Variants in TECPR1 observed in about 807,000 individuals in gnomAD.
TECPR1 encodes the protein tectonin beta-propeller repeat-containing protein 1.
TECPR1 carries 122 observed loss-of-function variants against 162.4 expected under a neutral mutation model. The observed-to-expected ratio is 0.75, with a 90% CI of 0.65 to 0.87. The LOEUF is 0.87. TECPR1 is among the 40% of genes least tolerant of loss of function. The pLI, the probability that TECPR1 is intolerant of heterozygous loss-of-function variation, is 0.00. For synonymous variants in TECPR1, 642 were observed against 670.6 expected, an observed-to-expected ratio of 0.96 and a Z score of 0.66; for missense variants, 1,432 against 1,618.2, an observed-to-expected ratio of 0.88 and a Z score of 1.97.
intron 3 of TECPR1, among the ~76,000 whole-genome samples, chr7:98,245,454 T>G (rs116840208): frequency 6.6e-6 from 1 of 152,100 alleles, no homozygotes; most frequent in Non-Finnish European, 1.5e-5. Context: ...CTGGATACTA[T>G]GCAACTTGAA....
At chr7:98,221,539 C>A (rs1372153532) in intron 23 of TECPR1, 122 bp downstream of exon 23, 26 of 765,584 alleles carry the variant, frequency 3.4e-5, no homozygotes, top group Non-Finnish European at 2.2e-6. Context: ...GTTGGCCAGG[C>A]TGGTCTCGAA....
intron 5 of TECPR1, among the ~76,000 whole-genome samples, 192 bp from the exon 6 acceptor site, chr7:98,243,784 C>T (rs189511476): frequency 6.6e-6 from 1 of 152,266 alleles, no homozygotes; most frequent in Admixed American, 6.5e-5. Context: ...TCAGTAGAGA[C>T]GTGGTTTCAC....
intron 16 of TECPR1, 134 bp from the exon 17 acceptor site, chr7:98,228,250 A>G (rs1223414791): frequency 2.8e-6 from 2 of 704,418 alleles, no homozygotes; most frequent in East Asian, 2.7e-5. Context: ...AGGAGCAAAC[A>G]GTCCTGTTGA....
intron 20 of TECPR1, 38 bp from the exon 21 acceptor site, chr7:98,223,208 A>G (rs1391938169): frequency 6.5e-7 from 1 of 1,544,460 alleles, no homozygotes; most frequent in South Asian, 1.2e-5. Flanking sequence ...AGGGACCCCA[A>G]GGTGACCACC....
chr7:98,221,297 C>T (rs1315410953), intron 23 of TECPR1, among the ~76,000 whole-genome samples: 1 of 151,974 alleles, frequency 6.6e-6, no homozygotes, highest in East Asian at 1.9e-4. Flanking sequence ...AGCGAAACTC[C>T]ATCTCAAAGA....
intron 15 of TECPR1, among the ~76,000 whole-genome samples, chr7:98,230,175 T>TC (rs1798387896): frequency 6.6e-6 from 1 of 151,490 alleles, no homozygotes; most frequent in Admixed American, 6.6e-5. Flanking sequence ...TTTTTTGGTT[T>TC]CTTTTTTTTT....
chr7:98,242,782 TCCATCCATCCATCCAC>T (rs375757879), intron 6 of TECPR1, among the ~76,000 whole-genome samples: 1 of 30,428 alleles, frequency 3.3e-5, no homozygotes, highest in Non-Finnish European at 5.9e-5. Flanking sequence ...CACCCACCCA[TCCATCCATCCATCCAC>T]CCATCCATCC....
rs1182308711 is a variant in TECPR1 at position 98,231,794 on chromosome 7, C to A, written c.1974+10G>T. On this transcript the variant is annotated intron_variant, in intron 13 of 25. Transcript: ENST00000447648. The stretch of plus-strand genomic sequence containing the variant: ...TCCCTGGCCCCATCTCCTGTGGGAC[C>A]CGTGGGCACCTTCTTCTCCTCGTGG... The A allele has an allele frequency of 8.1e-6, 13 of 1,609,260 alleles. No individual in the cohort carries two copies. The highest frequency in any genetic ancestry group is 3.3e-5 in the Admixed American group (2 of 59,882).
At chr7:98,220,834 G>A (rs1007915804) in intron 23 of TECPR1, among the ~76,000 whole-genome samples, 3 of 151,926 alleles carry the variant, frequency 2.0e-5, no homozygotes, top group Admixed American at 6.5e-5. Flanking sequence ...GGGATTACAG[G>A]TGTGAGCCAC....
At chr7:98,226,517 G>T in intron 17 of TECPR1, 5 of 1,038,150 alleles carry the variant, frequency 4.8e-6, no homozygotes, top group Non-Finnish European at 5.8e-6. Context: ...ACACAGTATG[G>T]CTGGAAGGCC....
rs1244871875 is a variant in TECPR1 at position 98,227,944 on chromosome 7, G to A, written c.2513+70C>T. On this transcript the variant is annotated intron_variant, in intron 17 of 25. Coordinates refer to ENST00000447648, the MANE Select transcript of TECPR1 (RefSeq NM_015395.3). ...TGGACTCCACGCTACGGTGGATGTT[G>A]CTGTCCTATTTTTGCCAGGACTAAG... 2.3e-6 allele frequency: 3 copies of A among 1,285,252 alleles called. No homozygotes were observed. In the South Asian group the frequency reaches 3.8e-5, roughly 16 times the overall value. 79.6% of individuals were successfully genotyped at this position (1,285,252 alleles called of 1,614,324 possible).
intron 15 of TECPR1, among the ~76,000 whole-genome samples, chr7:98,230,179 T>A (rs1347467041): frequency 6.6e-6 from 1 of 151,716 alleles, no homozygotes; most frequent in Non-Finnish European, 1.5e-5. Context: ...TTGGTTTCTT[T>A]TTTTTTTTGT....
rs1238244100 is a variant in TECPR1, at chr7:98,217,043, G to T, written c.*347C>A. The T allele has an allele frequency of 1.3e-5, 3 of 231,556 alleles. No individual in the cohort carries two copies. Among genetic ancestry groups the T allele is most frequent in the East Asian group, 9.5e-5 (1 of 10,542 alleles). The allele number at this position is 231,556 out of a possible 1,614,324, so 14.3% of individuals were successfully genotyped here. ...TCCATCCTGGCTCTGCTGCCCCAGG[G>T]CCGGCGTTCCCGGAGGGCTCCAGGT... On this transcript the variant is annotated 3_prime_UTR_variant, in exon 26 of 26. Transcript: ENST00000447648.
chr7:98,223,564 C>T, intron 20 of TECPR1, 98 bp downstream of exon 20: 7 of 1,324,488 alleles, frequency 5.3e-6, no homozygotes, highest in Non-Finnish European at 7.5e-6. Context: ...AGGTCAGAGG[C>T]CAGGAGATCT....
intron 22 of TECPR1, 123 bp downstream of exon 22, chr7:98,222,263 G>C: frequency 3.8e-6 from 5 of 1,328,192 alleles, no homozygotes; most frequent in Non-Finnish European, 5.1e-6. Context: ...CAGTGGGAGG[G>C]GGACTCCCAC....
In TECPR1 at chr7:98,222,911, C is replaced by T. The variant is rs975613887; in HGVS notation, c.2928+79G>A. 9 of 1,558,910 alleles carry T rather than the reference C, an allele frequency of 5.8e-6. No individual in the cohort carries two copies. The Admixed American group carries it at 9.2e-5, about 16-fold the overall frequency. Reference sequence around the variant, plus strand: ...TGTCCACTGGTCCTAGGGGCTTGTCCTGAGCAGGGTCTGAGCCCTGCCGGA... The same window carrying T: ...TGTCCACTGGTCCTAGGGGCTTGTCTTGAGCAGGGTCTGAGCCCTGCCGGA... On this transcript the variant is annotated intron_variant, in intron 21 of 25. Coordinates refer to ENST00000447648, the MANE Select transcript of TECPR1 (RefSeq NM_015395.3).
At position 98,232,928 on chromosome 7, in the gene TECPR1, C is replaced by T. The variant is rs750153997; in HGVS notation, c.1717G>A (p.Ala573Thr). ...TGCTTCCTCCAGGCAGCGGTCTGGG[C>T]CGGCGTGATGGACAGGGACAGCATG... Reference protein sequence around the residue: ...VHMLSLSITPAQTAAWRKQIF... With the variant: ...VHMLSLSITPTQTAAWRKQIF... Residue 573 changes from alanine to threonine, a missense_variant, in exon 12 of 26, where the codon GCC becomes ACC. Physicochemically the swap from Ala to Thr is moderately conservative, Grantham distance 58. Transcript: ENST00000447648. This position sits in a 1 kb window ranked among gnomAD's most constrained non-coding sequence, Gnocchi z 4.6. 1.9e-6 allele frequency: 3 copies of T among 1,612,686 alleles called. No homozygotes were observed. The highest frequency in any genetic ancestry group is 2.5e-6 in the Non-Finnish European group (3 of 1,179,786).
intron 8 of TECPR1, among the ~76,000 whole-genome samples, chr7:98,240,329 A>G (rs982995542): frequency 6.6e-6 from 1 of 152,102 alleles, no homozygotes; most frequent in Non-Finnish European, 1.5e-5. Context: ...GTGTGGGTGG[A>G]AGAGGATTTT....
Position 98,241,283 on chromosome 7 carries a change from C to G in TECPR1, c.658-39G>C. 6.2e-7 allele frequency: 1 copy of G among 1,608,530 alleles called. No individual in the cohort carries two copies. Among genetic ancestry groups the G allele is most frequent in the Non-Finnish European group, 8.5e-7 (1 of 1,177,254 alleles). ...CAGGGACACAGCACCTGCATCAACT[C>G]ATTCACACCAGCCAAGCACGGGGGT... On this transcript the variant is annotated intron_variant, in intron 6 of 25. Coordinates refer to ENST00000447648, the MANE Select transcript of TECPR1 (RefSeq NM_015395.3). The surrounding 1 kb of genome is among the most constrained non-coding windows in gnomAD (Gnocchi z 5.0).
Sources: gnomAD v4.1 joint callset for allele counts (sites outside exome capture counted in the v4.1 genomes callset) on GRCh38, gnomAD v4.1.1 for gene constraint, Gnocchi (gnomAD v3.1) non-coding constraint, MANE v1.5 for transcripts, NCBI Gene and HGNC (gene_info 2026-07-23, HGNC 2026-07-21) for gene names.